CFAP299: variants seen among roughly 807,000 people sequenced by gnomAD.
CFAP299 encodes the protein cilia and flagella associated protein 299, also known as cilia- and flagella-associated protein 299.
A neutral mutation model predicts 27.0 loss-of-function variants in CFAP299; 21 were observed. The ratio of observed to expected loss-of-function variants is 0.78; its 90% confidence interval spans 0.55 to 1.12. The LOEUF is 1.12. CFAP299 is among the 50% of genes most tolerant of loss of function. CFAP299 has a pLI of 0.00. For missense variants in CFAP299, 310 were observed against 276.6 expected (o/e 1.12, Z -0.86); for synonymous variants, 104 against 98.1 (o/e 1.06, Z -0.36).
At chr4:80,369,396 A>T (rs944582632) in intron 2 of CFAP299, among the ~76,000 whole-genome samples, 19 of 152,036 alleles carry the variant, frequency 1.2e-4, no homozygotes, top group Non-Finnish European at 2.5e-4. Context: ...TCCATTCTAA[A>T]TCTCCTGCCT....
intron 4 of CFAP299, 113 bp from the exon 5 acceptor site, chr4:80,944,697 C>A: frequency 1.4e-6 from 1 of 711,202 alleles, no homozygotes. Flanking sequence ...GGTTGTATGG[C>A]ATGTTTGTAT....
intron 2 of CFAP299, among the ~76,000 whole-genome samples, chr4:80,472,830 C>G (rs1199512563): frequency 6.6e-6 from 1 of 152,080 alleles, no homozygotes; most frequent in Admixed American, 6.5e-5. Context: ...TCAGATGTTC[C>G]TCATAGATAA....
chr4:80,799,542 CA>C (rs1180127125), intron 3 of CFAP299, among the ~76,000 whole-genome samples: 1 of 62,494 alleles, frequency 1.6e-5, no homozygotes, highest in Non-Finnish European at 2.7e-5. Context: ...ATATTTAATA[CA>C]TATATATAAT....
chr4:80,718,125 C>T (rs980930774), intron 3 of CFAP299, among the ~76,000 whole-genome samples: 3 of 151,996 alleles, frequency 2.0e-5, no homozygotes, highest in Admixed American at 6.6e-5. Context: ...TAGGAATCAT[C>T]AGTATAGTTT....
intron 3 of CFAP299, among the ~76,000 whole-genome samples, chr4:80,711,243 G>A (rs1722150986): frequency 1.3e-5 from 2 of 152,306 alleles, no homozygotes; most frequent in African/African-American, 4.8e-5. Flanking sequence ...GTTCAGTTGT[G>A]TGTGGGAGCT....
chr4:80,655,297 T>C (rs1740497853), intron 3 of CFAP299, among the ~76,000 whole-genome samples: 2 of 152,142 alleles, frequency 1.3e-5, no homozygotes, highest in Admixed American at 1.3e-4. Context: ...CAAGAAAATA[T>C]TTAAGATGAA....
In CFAP299 at chr4:80,963,661, C is replaced by G; in HGVS notation, c.*49C>G. Reference sequence around the variant, plus strand: ...TAATTTGCTAAATTTAAATAAATTCCGTAGACAGAGCAAATTAGAATAATA... The same window carrying G: ...TAATTTGCTAAATTTAAATAAATTCGGTAGACAGAGCAAATTAGAATAATA... On this transcript the variant is annotated 3_prime_UTR_variant, in exon 6 of 6. Transcript: ENST00000358105. The G allele has an allele frequency of 8.0e-7, 1 of 1,248,678 alleles. No homozygotes were observed. Among genetic ancestry groups the G allele is most frequent in the Admixed American group, 1.9e-5 (1 of 51,844 alleles). 77.3% of individuals were successfully genotyped at this position (1,248,678 alleles called of 1,614,324 possible). A position where few individuals can be genotyped will look rare whatever the true frequency, so the allele number is the denominator to read the frequency against.
At chr4:80,911,102 T>A (rs1735448240) in intron 4 of CFAP299, among the ~76,000 whole-genome samples, 1 of 152,056 alleles carries the variant, frequency 6.6e-6, no homozygotes, top group South Asian at 2.1e-4. Flanking sequence ...CCTTTGCAAT[T>A]GTGCACTTCA....
intron 3 of CFAP299, among the ~76,000 whole-genome samples, chr4:80,707,275 T>C (rs1256065770): frequency 1.3e-5 from 2 of 151,918 alleles, no homozygotes; most frequent in African/African-American, 4.8e-5. Context: ...ATGAGACTGG[T>C]TTTTAAGTGT....
chr4:80,629,726 A>G (rs1479142886), intron 3 of CFAP299, among the ~76,000 whole-genome samples: 3 of 151,976 alleles, frequency 2.0e-5, no homozygotes, highest in African/African-American at 4.8e-5. Flanking sequence ...CTAAAAATAC[A>G]AAAATTAGCC....
chr4:80,467,355 C>T (rs1729758095), intron 2 of CFAP299, among the ~76,000 whole-genome samples: 2 of 152,186 alleles, frequency 1.3e-5, no homozygotes, highest in African/African-American at 4.8e-5. Context: ...ACCATTCTTA[C>T]AACTTCCTAA....
intron 3 of CFAP299, among the ~76,000 whole-genome samples, chr4:80,737,876 A>T (rs1724006840): frequency 6.6e-6 from 1 of 152,136 alleles, no homozygotes; most frequent in Non-Finnish European, 1.5e-5. Flanking sequence ...GCTATAAACG[A>T]TCCTCTTAGT....
At chr4:80,542,775 A>C (rs1342732574) in intron 2 of CFAP299, among the ~76,000 whole-genome samples, 1 of 150,368 alleles carries the variant, frequency 6.7e-6, no homozygotes. Flanking sequence ...CTACCATACC[A>C]CTGGAGTGCT....
At chr4:80,328,169 T>C in the CFAP299 span, among the ~76,000 whole-genome samples, 1 of 152,062 alleles carries the variant, frequency 6.6e-6, no homozygotes, top group Non-Finnish European at 1.5e-5. Flanking sequence ...TGATGATAAA[T>C]ATAGATTACT....
intron 3 of CFAP299, among the ~76,000 whole-genome samples, chr4:80,799,911 A>C (rs1339317272): frequency 2.4e-5 from 1 of 41,426 alleles, no homozygotes; most frequent in East Asian, 9.5e-4. Flanking sequence ...TTATAATATA[A>C]TATATAATAT....
intron 4 of CFAP299, among the ~76,000 whole-genome samples, chr4:80,921,579 C>G (rs1736048542): frequency 6.6e-6 from 1 of 152,014 alleles, no homozygotes; most frequent in Admixed American, 6.6e-5. Context: ...TGAGTAGGAG[C>G]AGTAAGACAT....
intron 4 of CFAP299, among the ~76,000 whole-genome samples, chr4:80,933,934 AT>A (rs1736758118): frequency 6.6e-6 from 1 of 151,892 alleles, no homozygotes. Context: ...TTTGTTTCTT[AT>A]TTGCTCTGGC....
intron 3 of CFAP299, among the ~76,000 whole-genome samples, chr4:80,805,144 A>C (rs1387051960): frequency 6.6e-6 from 1 of 152,090 alleles, no homozygotes; most frequent in African/African-American, 2.4e-5. Flanking sequence ...ATCTTTATTG[A>C]AATTTTTATT....
intron 2 of CFAP299, among the ~76,000 whole-genome samples, chr4:80,549,665 C>T (rs552991966): frequency 1.9e-4 from 29 of 152,256 alleles, no homozygotes; most frequent in Admixed American, 5.9e-4. Flanking sequence ...CAGACTTCTA[C>T]TGAACATACT....
Sources: allele counts gnomAD v4.1 joint callset (sites outside exome capture counted in the v4.1 genomes callset), GRCh38; gene constraint gnomAD v4.1.1; transcripts MANE v1.5; gene names NCBI Gene and HGNC (gene_info 2026-07-23, HGNC 2026-07-21).